NOS1AP: variants seen among roughly 807,000 people sequenced by gnomAD.
The protein encoded by NOS1AP is nitric oxide synthase 1 adaptor protein, also known as carboxyl-terminal PDZ ligand of neuronal nitric oxide synthase protein.
In NOS1AP, 21 loss-of-function variants were observed where a neutral mutation model predicts 56.2. The ratio of observed to expected loss-of-function variants is 0.37; its 90% CI spans 0.26 to 0.54. The LOEUF is 0.54. Ranked by LOEUF, NOS1AP falls within the 20% of genes least tolerant of loss-of-function variation. The pLI, the probability that NOS1AP is intolerant of heterozygous loss-of-function variation, is 0.84. For synonymous variants in NOS1AP, 270 were observed against 274.6 expected (o/e 0.98, Z 0.17); for missense variants, 522 against 657.8 (o/e 0.79, Z 2.26).
At chr1:162,194,270 A>G (rs769620851) in intron 2 of NOS1AP, among the ~76,000 whole-genome samples, 12 of 152,072 alleles carry the variant, frequency 7.9e-5, no homozygotes, top group Non-Finnish European at 1.8e-4. Context: ...TACTACTTTA[A>G]TAGAGCAGAG....
At chr1:162,191,882 A>G (rs1651659024) in intron 2 of NOS1AP, among the ~76,000 whole-genome samples, 1 of 152,194 alleles carries the variant, frequency 6.6e-6, no homozygotes, top group Admixed American at 6.5e-5. Context: ...TAAATGCCAA[A>G]GTGGTGATGT....
intron 2 of NOS1AP, among the ~76,000 whole-genome samples, chr1:162,248,125 A>G (rs1048273963): frequency 1.3e-5 from 2 of 152,136 alleles, no homozygotes; most frequent in African/African-American, 2.4e-5. Context: ...TCTAATATAT[A>G]TATATATAAA....
chr1:162,358,271 C>T (rs1510291), intron 8 of NOS1AP, among the ~76,000 whole-genome samples: 5,082 of 152,180 alleles, frequency 0.033, 276 homozygotes, highest in African/African-American at 0.11. Context: ...AGGAGGCATC[C>T]GGCGTCCTGG....
At chr1:162,320,735 TCCCAGCTACTC>T (rs1440229626) in intron 4 of NOS1AP, among the ~76,000 whole-genome samples, 2 of 152,006 alleles carry the variant, frequency 1.3e-5, no homozygotes, top group African/African-American at 2.4e-5. Context: ...GCGCCTGTAG[TCCCAGCTACTC>T]GGGAGGCTGA....
At chr1:162,238,000 G>A (rs547360385) in intron 2 of NOS1AP, among the ~76,000 whole-genome samples, 7 of 152,220 alleles carry the variant, frequency 4.6e-5, no homozygotes, top group Admixed American at 2.6e-4. Context: ...AGCTGCTGTC[G>A]TGGTGGTGTG....
intron 6 of NOS1AP, among the ~76,000 whole-genome samples, chr1:162,353,503 TCTC>T (rs1657591998): frequency 6.6e-6 from 1 of 152,202 alleles, no homozygotes; most frequent in East Asian, 1.9e-4. Flanking sequence ...TAAGCAGCCT[TCTC>T]CTGCAGCCTG....
chr1:162,336,176 G>A (rs1180708823), intron 5 of NOS1AP, among the ~76,000 whole-genome samples: 1 of 152,118 alleles, frequency 6.6e-6, no homozygotes, highest in East Asian at 1.9e-4. Context: ...GTTGCTATAT[G>A]CCTGAGACTG....
chr1:162,221,826 A>G lies in NOS1AP; in HGVS notation c.178-65518A>G, dbSNP rs116914405. On this transcript the variant is annotated intron_variant, in intron 2 of 9. Coordinates refer to ENST00000361897, the MANE Select transcript of NOS1AP (RefSeq NM_014697.3). ...AGACAAAAATGGGATCATACTATATACATTTCTATAGCTTGTTTTCTTTTT... is the reference window on the plus strand; with the variant it reads ...AGACAAAAATGGGATCATACTATATGCATTTCTATAGCTTGTTTTCTTTTT... Among the ~76,000 whole-genome samples, 70 of 152,308 alleles carry G rather than the reference A, an allele frequency of 4.6e-4. 1 individual carries two copies. The East Asian group carries it at 0.013, about 28-fold the overall frequency.
At chr1:162,189,800 T>C (rs1651561376) in intron 2 of NOS1AP, among the ~76,000 whole-genome samples, 1 of 152,118 alleles carries the variant, frequency 6.6e-6, no homozygotes, top group Admixed American at 6.5e-5. Context: ...ACTTTGAAAG[T>C]GTCTGGGAAG....
chr1:162,113,566 T>C (rs1183915535), intron 1 of NOS1AP, among the ~76,000 whole-genome samples: 1 of 152,130 alleles, frequency 6.6e-6, no homozygotes, highest in East Asian at 1.9e-4. Context: ...TTCAGGAAAC[T>C]TATGATCATG....
At chr1:162,276,324 G>A (rs1217839262) in intron 2 of NOS1AP, among the ~76,000 whole-genome samples, 2 of 152,104 alleles carry the variant, frequency 1.3e-5, no homozygotes, top group East Asian at 3.9e-4. Flanking sequence ...GTTACCTATG[G>A]TGATGGGCTG....
At chr1:162,234,209 A>G (rs1653214423) in intron 2 of NOS1AP, among the ~76,000 whole-genome samples, 1 of 152,176 alleles carries the variant, frequency 6.6e-6, no homozygotes, top group South Asian at 2.1e-4. Flanking sequence ...ATTCCAGTAC[A>G]TGAAGATGAG....
intron 2 of NOS1AP, among the ~76,000 whole-genome samples, chr1:162,260,482 C>T (rs1407034745): frequency 6.6e-6 from 1 of 152,144 alleles, no homozygotes; most frequent in Non-Finnish European, 1.5e-5. Context: ...AATATACAGA[C>T]ATTACTATAG....
intron 1 of NOS1AP, among the ~76,000 whole-genome samples, chr1:162,105,256 G>C (rs1416969626): frequency 6.6e-6 from 1 of 152,238 alleles, no homozygotes; most frequent in Non-Finnish European, 1.5e-5. Context: ...AAACAGCAAA[G>C]ATGGCAGGCT....
intron 1 of NOS1AP, among the ~76,000 whole-genome samples, chr1:162,099,974 A>G (rs1318706386): frequency 6.6e-6 from 1 of 151,408 alleles, no homozygotes; most frequent in East Asian, 1.9e-4. Context: ...ATCATTTTTT[A>G]TGGCTGCATA....
At chr1:162,243,567 TC>T (rs1187498105) in intron 2 of NOS1AP, among the ~76,000 whole-genome samples, 1 of 152,162 alleles carries the variant, frequency 6.6e-6, no homozygotes, top group Non-Finnish European at 1.5e-5. Context: ...GCAAATCTCT[TC>T]CCCATCTCCA....
At chr1:162,348,665 C>G (rs1657381546) in intron 6 of NOS1AP, among the ~76,000 whole-genome samples, 1 of 152,190 alleles carries the variant, frequency 6.6e-6, no homozygotes, top group Admixed American at 6.5e-5. Flanking sequence ...AGATGTCCAA[C>G]AGAGCACTGA....
Position 162,261,517 on chromosome 1 carries a change from A to AAGAGAAGAGAAGAGAG in NOS1AP, c.178-25827_178-25826insAGAGAAGAGAAGAGAG, listed in dbSNP as rs1654229716. ...GAGAGAGAGAGAGAGAGAGAGAGAG[A>AAGAGAAGAGAAGAGAG]GAGAGAGAGAGAGAGAGAGAGAGAG... On this transcript the variant is annotated intron_variant, in intron 2 of 9. Coordinates refer to ENST00000361897, the MANE Select transcript of NOS1AP (RefSeq NM_014697.3). Among the ~76,000 whole-genome samples, 23 of 27,204 alleles carry AAGAGAAGAGAAGAGAG rather than the reference A, an allele frequency of 8.5e-4. 9 individuals are homozygous for AAGAGAAGAGAAGAGAG. Among genetic ancestry groups the AAGAGAAGAGAAGAGAG allele is most frequent in the African/African-American group, 2.6e-3 (23 of 8,788 alleles). 17.8% of individuals were successfully genotyped at this position (27,204 alleles called of 152,430 possible).
At position 162,070,067 on chromosome 1, in the gene NOS1AP, C is replaced by G; in HGVS notation, c.-111C>G. 1 of 844,706 alleles carries G rather than the reference C, an allele frequency of 1.2e-6. No homozygotes were observed. The highest frequency in any genetic ancestry group is 1.9e-6 in the Non-Finnish European group (1 of 527,612). The allele number at this position is 844,706 out of a possible 1,614,324, so 52.3% of individuals were successfully genotyped here. A position where few individuals can be genotyped will look rare whatever the true frequency, so the allele number is the denominator to read the frequency against. ...CAGGGCTCCCCCTGCCCAGCGCTCC[C>G]AGGCCCCGCCACGCGTCGCCGCGCC... is the stretch of plus-strand genomic sequence containing the variant. On this transcript the variant is annotated 5_prime_UTR_variant, in exon 1 of 10. Transcript: ENST00000361897.
Sources: gnomAD v4.1 joint callset for allele counts (sites outside exome capture counted in the v4.1 genomes callset) on GRCh38, gnomAD v4.1.1 for gene constraint, MANE v1.5 for transcripts, NCBI Gene and HGNC (gene_info 2026-07-23, HGNC 2026-07-21) for gene names.